MSRA: variants seen among roughly 807,000 people sequenced by gnomAD.
MSRA encodes the protein methionine sulfoxide reductase A.
A neutral mutation model predicts 31.3 loss-of-function variants in MSRA; 54 were observed. That is an observed-to-expected ratio of 1.73 (90% CI 1.39 to 2.17). MSRA has a LOEUF of 2.17. MSRA is among the 30% of genes most tolerant of loss of function. The pLI is 0.00. For synonymous variants in MSRA, 169 were observed against 116.5 expected (o/e 1.45, Z -2.90); for missense variants, 507 against 300.9 (o/e 1.69, Z -5.07).
At chr8:10,277,695 T>G (rs1585343238) in intron 3 of MSRA, among the ~76,000 whole-genome samples, 1 of 152,340 alleles carries the variant, frequency 6.6e-6, no homozygotes, top group East Asian at 1.9e-4. Flanking sequence ...GCTTATCATC[T>G]TTCTTAAAAA....
At chr8:10,156,487 G>C (rs997957193) in intron 1 of MSRA, among the ~76,000 whole-genome samples, 2 of 152,268 alleles carry the variant, frequency 1.3e-5, no homozygotes, top group East Asian at 3.9e-4. Flanking sequence ...ATTAATTCTT[G>C]GTGAATGTAG....
At chr8:10,364,016 C>A (rs1030827354) in intron 5 of MSRA, among the ~76,000 whole-genome samples, 2 of 152,128 alleles carry the variant, frequency 1.3e-5, no homozygotes, top group Admixed American at 1.3e-4. Context: ...AGAACTGTTT[C>A]CTTTCTCTAG....
chr8:10,253,670 T>A (rs1012770682), intron 3 of MSRA, among the ~76,000 whole-genome samples: 2 of 152,210 alleles, frequency 1.3e-5, no homozygotes, highest in African/African-American at 4.8e-5. Flanking sequence ...GCAAAAGCAG[T>A]TGATGAATGT....
At position 10,397,564 on chromosome 8, in the gene MSRA, A is replaced by G. The variant is rs942109223; in HGVS notation, c.544-30584A>G. Among the ~76,000 whole-genome samples the G allele has an allele frequency of 5.9e-5, 9 of 152,288 alleles. No homozygotes were observed. The East Asian group carries it at 1.2e-3, about 20-fold the overall frequency. On this transcript the variant is annotated intron_variant, in intron 5 of 5. Coordinates refer to ENST00000317173, the MANE Select transcript of MSRA (RefSeq NM_012331.5). The stretch of plus-strand genomic sequence containing the variant: ...TGCTTCTCAGAGGTCTTTGGAGGGC[A>G]GGGGCCACATCTTTCATTGGTCTTC...
intron 5 of MSRA, among the ~76,000 whole-genome samples, chr8:10,376,658 A>G (rs1226007573): frequency 4.6e-5 from 7 of 152,206 alleles, no homozygotes; most frequent in Admixed American, 4.6e-4. Flanking sequence ...CCCCAAGGGA[A>G]TCCTATTTTT....
intron 3 of MSRA, among the ~76,000 whole-genome samples, chr8:10,278,247 T>G (rs1209943758): frequency 6.6e-6 from 1 of 152,174 alleles, no homozygotes; most frequent in Non-Finnish European, 1.5e-5. Context: ...CCTTCGGGTC[T>G]CTGTCTGGGC....
At chr8:10,122,853 G>A (rs1483639513) in intron 1 of MSRA, among the ~76,000 whole-genome samples, 3 of 152,220 alleles carry the variant, frequency 2.0e-5, no homozygotes, top group African/African-American at 7.2e-5. Context: ...ATGTTGCTGC[G>A]AAAGACATGA....
At chr8:10,152,909 C>G (rs1415983490) in intron 1 of MSRA, among the ~76,000 whole-genome samples, 4 of 152,174 alleles carry the variant, frequency 2.6e-5, no homozygotes, top group African/African-American at 9.7e-5. Flanking sequence ...CAGCCACAAA[C>G]AGACACATAC....
intron 1 of MSRA, among the ~76,000 whole-genome samples, chr8:10,076,972 G>A (rs1798024379): frequency 6.7e-6 from 1 of 150,066 alleles, no homozygotes; most frequent in Non-Finnish European, 1.5e-5. Context: ...GGGTTGATAG[G>A]TAAATGTGTG....
intron 5 of MSRA, among the ~76,000 whole-genome samples, chr8:10,336,376 G>C (rs1256640736): frequency 6.6e-6 from 1 of 151,264 alleles, no homozygotes; most frequent in Non-Finnish European, 1.5e-5. Flanking sequence ...GTGCTGTGTG[G>C]TTTCAGGAAT....
chr8:10,423,596 C>G (rs895291447), intron 5 of MSRA, among the ~76,000 whole-genome samples: 1 of 152,188 alleles, frequency 6.6e-6, no homozygotes, highest in African/African-American at 2.4e-5. Flanking sequence ...TCCTGCACCA[C>G]CCCACTCTCC....
chr8:10,238,003 A>G (rs757554832), intron 2 of MSRA, among the ~76,000 whole-genome samples: 1 of 152,134 alleles, frequency 6.6e-6, no homozygotes, highest in Non-Finnish European at 1.5e-5. Flanking sequence ...CAAAACTCCA[A>G]TGTGGCTACC....
At chr8:10,086,877 GGA>G (rs1271288749) in intron 1 of MSRA, among the ~76,000 whole-genome samples, 2 of 150,378 alleles carry the variant, frequency 1.3e-5, no homozygotes, top group Admixed American at 6.7e-5. Flanking sequence ...GGAGGGAGAG[GGA>G]GAGAGAGAGG....
intron 1 of MSRA, among the ~76,000 whole-genome samples, chr8:10,145,218 C>T (rs1803039584): frequency 6.6e-6 from 1 of 152,140 alleles, no homozygotes; most frequent in Non-Finnish European, 1.5e-5. Flanking sequence ...GATCGGAGCA[C>T]CTGTTCTATG....
intron 1 of MSRA, among the ~76,000 whole-genome samples, chr8:10,114,641 G>A (rs977032993): frequency 6.6e-6 from 1 of 152,188 alleles, no homozygotes; most frequent in Non-Finnish European, 1.5e-5. Flanking sequence ...AAAAAGAGAG[G>A]TCTTACGTAG....
Position 10,300,592 on chromosome 8 carries a change from T to G in MSRA, c.332-942T>G, listed in dbSNP as rs1224586393. ...TCAGTAGAGATGGGGTTTCACCAGA[T>G]TGGCCAGGCTACTCGAACTCCTGAC... is the stretch of plus-strand genomic sequence containing the variant. On this transcript the variant is annotated intron_variant, in intron 3 of 5. Coordinates refer to ENST00000317173, the MANE Select transcript of MSRA (RefSeq NM_012331.5). Among the ~76,000 whole-genome samples, 4 of 152,092 alleles carry G rather than the reference T, an allele frequency of 2.6e-5. No individual in the cohort carries two copies. The East Asian group carries it at 7.7e-4, about 29-fold the overall frequency.
At chr8:10,171,179 T>A (rs560491802) in intron 1 of MSRA, among the ~76,000 whole-genome samples, 56 of 152,340 alleles carry the variant, frequency 3.7e-4, no homozygotes, top group African/African-American at 1.3e-3. Flanking sequence ...AAAGAGAAGC[T>A]GGGCCAGATG....
At chr8:10,324,392 G>C (rs1490345855) in intron 5 of MSRA, among the ~76,000 whole-genome samples, 1 of 152,176 alleles carries the variant, frequency 6.6e-6, no homozygotes, top group African/African-American at 2.4e-5. Context: ...CTGGCCCTCT[G>C]CTCTCACTAT....
At chr8:10,275,841 C>T (rs1471649742) in intron 3 of MSRA, among the ~76,000 whole-genome samples, 1 of 152,220 alleles carries the variant, frequency 6.6e-6, no homozygotes, top group African/African-American at 2.4e-5. Flanking sequence ...CAAAGAGTTG[C>T]ACATCTAGGG....
Sources: gnomAD v4.1 joint callset for allele counts (sites outside exome capture counted in the v4.1 genomes callset) on GRCh38, gnomAD v4.1.1 for gene constraint, MANE v1.5 for transcripts, NCBI Gene and HGNC (gene_info 2026-07-23, HGNC 2026-07-21) for gene names.